CD8B2: variants seen among roughly 807,000 people sequenced by gnomAD.
The protein encoded by CD8B2 is CD8B family member 2.
A neutral mutation model predicts 23.7 loss-of-function variants in CD8B2; 11 were observed. That is an observed-to-expected ratio of 0.46 (90% CI 0.29 to 0.77). CD8B2 has a LOEUF of 0.77. Among genes scored for constraint, CD8B2 ranks in the 30% least tolerant of loss-of-function variants. CD8B2 has a pLI of 0.09. For synonymous variants in CD8B2, 90 were observed against 109.3 expected (o/e 0.82, Z 1.10); for missense variants, 197 against 270.5 (o/e 0.73, Z 1.91).
chr2:106,514,757 T>C (rs1448158656), downstream of CD8B2, among the ~76,000 whole-genome samples: 1 of 150,572 alleles, frequency 6.6e-6, no homozygotes. Flanking sequence ...GACTTTTGTG[T>C]GTGTGTGTGT....
rs780536452 is a variant in CD8B2 at position 106,535,791 on chromosome 2, A to G, written c.621-8201A>G. The stretch of plus-strand genomic sequence containing the variant: ...TTCACCAGATTCCAGCTAATGGTTT[A>G]TATATTAGTCCATTCTTGCACTGCT... On this transcript the variant is annotated intron_variant, in intron 5 of 5. Transcript: ENST00000416057. Among the ~76,000 whole-genome samples the G allele has an allele frequency of 3.3e-5, 5 of 152,254 alleles. 1 individual carries two copies. In the South Asian group the frequency reaches 1.0e-3, roughly 32 times the overall value.
chr2:106,494,985 C>T (rs1199601814), intron 2 of CD8B2, among the ~76,000 whole-genome samples: 2 of 152,166 alleles, frequency 1.3e-5, no homozygotes, highest in East Asian at 1.9e-4. Context: ...CCATGAGCTT[C>T]CTCCATGTGC....
intron 3 of CD8B2, among the ~76,000 whole-genome samples, chr2:106,502,178 C>T (rs1032684611): frequency 6.6e-6 from 1 of 151,412 alleles, no homozygotes; most frequent in African/African-American, 2.4e-5. Context: ...TGCCTGTAAT[C>T]CCAGCTACTC....
At chr2:106,496,092 C>T in intron 2 of CD8B2, 81 bp from the exon 3 acceptor site, 1 of 1,549,204 alleles carries the variant, frequency 6.5e-7, no homozygotes, top group East Asian at 2.4e-5. Context: ...GCCACCGCAC[C>T]CGGCCATAAG....
At chr2:106,503,508 G>T (rs1276375498) in intron 4 of CD8B2, among the ~76,000 whole-genome samples, 1 of 152,160 alleles carries the variant, frequency 6.6e-6, no homozygotes, top group Non-Finnish European at 1.5e-5. Context: ...GACCTCATTG[G>T]TAAAATATTT....
rs556833961 is a variant in CD8B2 at position 106,489,365 on chromosome 2, C to T, written c.44-1509C>T. On this transcript the variant is annotated intron_variant, in intron 1 of 5. Transcript: ENST00000643224. ...TGGTCCAGGAGCGAAGTCAAAAAGTCGAAGTTCATTTCATCAGTGTTGGAG... is the reference window on the plus strand; with the variant it reads ...TGGTCCAGGAGCGAAGTCAAAAAGTTGAAGTTCATTTCATCAGTGTTGGAG... 2.9e-3 allele frequency among the ~76,000 whole-genome samples: 434 copies of T among 151,598 alleles called. 3 individuals are homozygous for T. The highest frequency in any genetic ancestry group is 0.01 in the African/African-American group (415 of 41,362).
At chr2:106,517,024 A>G (rs1679739854) in intron 5 of CD8B2, among the ~76,000 whole-genome samples, 1 of 148,534 alleles carries the variant, frequency 6.7e-6, no homozygotes, top group South Asian at 2.1e-4. Context: ...TTCATATATG[A>G]AAATTAATAT....
downstream of CD8B2, among the ~76,000 whole-genome samples, chr2:106,511,604 G>T (rs923722880): frequency 1.4e-4 from 21 of 151,928 alleles, no homozygotes; most frequent in African/African-American, 5.1e-4. Flanking sequence ...TGTAGGAAGT[G>T]GGCAACTTGT....
rs1679612036 is a variant in CD8B2 at position 106,510,595 on chromosome 2, G to T, written c.*3655G>T. 1 of 152,116 alleles carries T rather than the reference G, an allele frequency of 6.6e-6. No individual in the cohort carries two copies. Among genetic ancestry groups the T allele is most frequent in the Non-Finnish European group, 1.5e-5 (1 of 68,044 alleles). The allele number at this position is 152,116 out of a possible 1,614,324, so 9.4% of individuals were successfully genotyped here. ...AATTTTTAAATTTTTTTCTGGGCAT[G>T]GTGGTGCTTGCCTGGAGTCCCAGCT... On this transcript the variant is annotated 3_prime_UTR_variant, in exon 6 of 6. Coordinates refer to ENST00000643224, the MANE Select transcript of CD8B2 (RefSeq NM_001349727.2).
At chr2:106,502,808 C>A (rs1181510600) in intron 4 of CD8B2, among the ~76,000 whole-genome samples, 8 of 151,882 alleles carry the variant, frequency 5.3e-5, no homozygotes, top group Non-Finnish European at 1.5e-5. Context: ...TGATCCAGTG[C>A]CCCGGTCTCT....
chr2:106,541,283 AC>A (rs1680169723), intron 5 of CD8B2, among the ~76,000 whole-genome samples: 1 of 151,848 alleles, frequency 6.6e-6, no homozygotes, highest in African/African-American at 2.4e-5. Context: ...GTGGTTAGTG[AC>A]CCCCTATGGA....
At chr2:106,516,486 T>A (rs1207102783) in intron 5 of CD8B2, among the ~76,000 whole-genome samples, 3 of 152,214 alleles carry the variant, frequency 2.0e-5, no homozygotes, top group Non-Finnish European at 4.4e-5. Context: ...GCAGTATGTG[T>A]CCTGGTCAGG....
chr2:106,512,636 G>A (rs749578848), downstream of CD8B2, among the ~76,000 whole-genome samples: 3 of 151,726 alleles, frequency 2.0e-5, no homozygotes, highest in Non-Finnish European at 4.4e-5. Flanking sequence ...GTAGAGATGA[G>A]GTCTCGCTAT....
chr2:106,518,684 T>C (rs2104567237), intron 5 of CD8B2, among the ~76,000 whole-genome samples: 1 of 152,162 alleles, frequency 6.6e-6, no homozygotes, highest in South Asian at 2.1e-4. Context: ...TCACCATCCA[T>C]TCATTCCTTC....
Position 106,487,485 on chromosome 2 carries a change from G to C in CD8B2, c.43+16G>C. ...CAGCTGACAGGTAAGGCGGCGGCGC[G>C]CGGGCTGCCCAAGGTCTGCGCTCCC... On this transcript the variant is annotated intron_variant, in intron 1 of 5. Transcript: ENST00000643224. The C allele has an allele frequency of 2.4e-6, 3 of 1,241,040 alleles. No individual in the cohort carries two copies. Among genetic ancestry groups the C allele is most frequent in the Admixed American group, 4.2e-5 (1 of 23,780 alleles). 76.9% of individuals were successfully genotyped at this position (1,241,040 alleles called of 1,614,324 possible). A position where few individuals can be genotyped will look rare whatever the true frequency, so the allele number is the denominator to read the frequency against.
At chr2:106,501,547 C>T (rs1355959258) in intron 3 of CD8B2, among the ~76,000 whole-genome samples, 5 of 151,824 alleles carry the variant, frequency 3.3e-5, no homozygotes, top group African/African-American at 1.2e-4. Context: ...CCAGGCATGA[C>T]GGCGGACGCC....
chr2:106,512,764 G>A (rs1043159434), downstream of CD8B2, among the ~76,000 whole-genome samples: 1 of 152,114 alleles, frequency 6.6e-6, no homozygotes, highest in African/African-American at 2.4e-5. Flanking sequence ...TCTTGATGCT[G>A]GTTCAAATAT....
chr2:106,507,164 G>GGCA lies in CD8B2; in HGVS notation c.*225_*227dup, dbSNP rs1207573312. 7.2e-7 allele frequency: 1 copy of GGCA among 1,391,806 alleles called. No individual in the cohort carries two copies. The highest frequency in any genetic ancestry group is 1.5e-5 in the African/African-American group (1 of 67,856). 86.2% of individuals were successfully genotyped at this position (1,391,806 alleles called of 1,614,324 possible). A position where few individuals can be genotyped will look rare whatever the true frequency, so the allele number is the denominator to read the frequency against. On this transcript the variant is annotated 3_prime_UTR_variant, in exon 6 of 6. Transcript: ENST00000643224. ...AGGGAGAAGGTTTCATTGCCCCCAG[G>GGCA]GCACTTCACAGAGTGTGCTGGAGGA...
chr2:106,512,932 G>A (rs1679661428), downstream of CD8B2, among the ~76,000 whole-genome samples: 1 of 152,166 alleles, frequency 6.6e-6, no homozygotes, highest in Non-Finnish European at 1.5e-5. Flanking sequence ...GCCGAGGCCT[G>A]TAGGGGTCCT....
Sources: allele counts gnomAD v4.1 joint callset (sites outside exome capture counted in the v4.1 genomes callset), GRCh38; gene constraint gnomAD v4.1.1; transcripts MANE v1.5; gene names NCBI Gene and HGNC (gene_info 2026-07-23, HGNC 2026-07-21).